MCCC1: variants seen among roughly 807,000 people sequenced by gnomAD.
MCCC1 encodes the protein methylcrotonoyl-CoA carboxylase subunit alpha, mitochondrial.
In MCCC1, 64 loss-of-function variants were observed where a neutral mutation model predicts 83.8. The ratio of observed to expected loss-of-function variants is 0.76; its 90% CI spans 0.62 to 0.94. The LOEUF (loss-of-function observed/expected upper bound fraction) is 0.94. Among genes scored for constraint, MCCC1 ranks in the 40% least tolerant of loss-of-function variants. MCCC1 has a pLI of 0.00. For synonymous variants in MCCC1, 322 were observed against 315.4 expected, an observed-to-expected ratio of 1.02 and a Z score of -0.22; for missense variants, 807 against 904.7, an observed-to-expected ratio of 0.89 and a Z score of 1.39.
At position 183,025,764 on chromosome 3, in the gene MCCC1, A is replaced by G. The variant is rs747015041; in HGVS notation, c.1722T>C (p.Tyr574=). Reference sequence around the variant, plus strand: ...AACCAGTAAGGCTTACCTGCATGCTATAAGACCCATCATGGTTATACGTTA... The same window carrying G: ...AACCAGTAAGGCTTACCTGCATGCTGTAAGACCCATCATGGTTATACGTTA... The part of the protein sequence containing the change: ...IAVTYNHDGS[Y]SMQIEDKTFQ... The change falls in exon 15 of 19, where the codon TAT becomes TAC. Residue 574 remains tyrosine, a synonymous_variant. Coordinates refer to ENST00000265594, the MANE Select transcript of MCCC1 (RefSeq NM_020166.5). 8.1e-6 allele frequency: 13 copies of G among 1,613,978 alleles called. No individual in the cohort carries two copies. The highest frequency in any genetic ancestry group is 7.7e-5 in the South Asian group (7 of 91,078).
chr3:183,054,188 ATTT>A (rs370883975), intron 8 of MCCC1, among the ~76,000 whole-genome samples: 1 of 122,152 alleles, frequency 8.2e-6, no homozygotes, highest in Non-Finnish European at 1.8e-5. Flanking sequence ...AGCCAAGAAA[ATTT>A]TTTTTTTTTT....
chr3:183,088,363 C>T (rs546789121), intron 3 of MCCC1, among the ~76,000 whole-genome samples: 3 of 152,122 alleles, frequency 2.0e-5, no homozygotes, highest in East Asian at 1.9e-4. Context: ...CACACAATCA[C>T]GCCCAGCTAA....
At chr3:183,084,601 A>T (rs1717754080) in intron 4 of MCCC1, among the ~76,000 whole-genome samples, 1 of 152,228 alleles carries the variant, frequency 6.6e-6, no homozygotes, top group South Asian at 2.1e-4. Flanking sequence ...ACATCAATAC[A>T]AAACAACTAT....
chr3:183,105,745 AAG>A (rs1418319856), intron 1 of MCCC1, among the ~76,000 whole-genome samples: 3 of 152,304 alleles, frequency 2.0e-5, no homozygotes, highest in South Asian at 2.1e-4. Context: ...GAAGGCTATG[AAG>A]AGAGTGTTTT....
At chr3:183,036,362 G>A (rs1176352089) in intron 13 of MCCC1, among the ~76,000 whole-genome samples, 1 of 151,958 alleles carries the variant, frequency 6.6e-6, no homozygotes, top group Non-Finnish European at 1.5e-5. Context: ...GGTAACCCTG[G>A]GGAATCTAAG....
chr3:183,114,642 C>CT (rs1341906655), intron 1 of MCCC1, among the ~76,000 whole-genome samples: 1 of 152,206 alleles, frequency 6.6e-6, no homozygotes, highest in Non-Finnish European at 1.5e-5. Flanking sequence ...TCTCAAGTCC[C>CT]TTTGGGGGAA....
chr3:183,060,749 G>A (rs953015047), intron 7 of MCCC1, among the ~76,000 whole-genome samples: 2 of 151,832 alleles, frequency 1.3e-5, no homozygotes, highest in Admixed American at 6.6e-5. Flanking sequence ...GACAGGCCCC[G>A]GTGTGTGATG....
At chr3:183,102,633 A>C (rs758959260), upstream of MCCC1, among the ~76,000 whole-genome samples, 20 of 152,180 alleles carry the variant, frequency 1.3e-4, no homozygotes, top group Non-Finnish European at 2.4e-4. Flanking sequence ...TGGAAAAAAA[A>C]GCTGGATCCC....
At chr3:183,106,338 G>C (rs1417270935) in intron 1 of MCCC1, among the ~76,000 whole-genome samples, 1 of 151,904 alleles carries the variant, frequency 6.6e-6, no homozygotes, top group Non-Finnish European at 1.5e-5. Flanking sequence ...TTCTTTTATA[G>C]AGCCTCTCTC....
chr3:183,082,562 T>A (rs1717590379), intron 4 of MCCC1, among the ~76,000 whole-genome samples: 1 of 152,178 alleles, frequency 6.6e-6, no homozygotes, highest in Non-Finnish European at 1.5e-5. Context: ...TTCCTTACAG[T>A]TAGGCCTCTT....
rs753650692 is a variant in MCCC1, at chr3:183,052,216, T to C, written c.898A>G (p.Lys300Glu). The C allele has an allele frequency of 3.1e-6, 5 of 1,614,108 alleles. No homozygotes were observed. The East Asian group carries it at 8.9e-5, about 29-fold the overall frequency. Residue 300 changes from lysine (K) to glutamate (E), a missense_variant, in exon 9 of 19, where the codon AAA (lysine) becomes GAA (glutamate). By Grantham distance (56) the Lys-to-Glu change is moderately conservative. Transcript: ENST00000265594. ...CTGACTGCAGCTTCTCCCAGCTTTT[T>C]TCTTACTTCAGATTTAATACCAGGC... ...PAPGIKSEVR[K>E]KLGEAAVRAA...
At chr3:183,065,215 A>G (rs896068144) in intron 7 of MCCC1, among the ~76,000 whole-genome samples, 1 of 152,052 alleles carries the variant, frequency 6.6e-6, no homozygotes, top group African/African-American at 2.4e-5. Flanking sequence ...GTCCCTGAAA[A>G]AAAAAAAACT....
chr3:183,072,494 A>G lies in MCCC1; in HGVS notation c.370-7T>C. 6.2e-7 allele frequency: 1 copy of G among 1,613,526 alleles called. No individual in the cohort carries two copies. Among genetic ancestry groups the G allele is most frequent in the Non-Finnish European group, 8.5e-7 (1 of 1,179,670 alleles). ...CGCATCCTGGATGGATAGCCTAGAAATGAGAAATAAAATAAAAAATTTACT... is the reference window on the plus strand; with the variant it reads ...CGCATCCTGGATGGATAGCCTAGAAGTGAGAAATAAAATAAAAAATTTACT... On this transcript the variant is annotated splice_polypyrimidine_tract_variant and splice_region_variant and intron_variant, in intron 4 of 18. Coordinates refer to ENST00000265594, the MANE Select transcript of MCCC1 (RefSeq NM_020166.5).
At chr3:183,031,152 A>C (rs1421375647) in intron 14 of MCCC1, among the ~76,000 whole-genome samples, 1 of 152,180 alleles carries the variant, frequency 6.6e-6, no homozygotes, top group Non-Finnish European at 1.5e-5. Flanking sequence ...TTCTGGTGTG[A>C]CTTTTGGAAA....
chr3:183,087,524 C>G (rs1717977316), intron 3 of MCCC1, among the ~76,000 whole-genome samples: 1 of 152,104 alleles, frequency 6.6e-6, no homozygotes, highest in Non-Finnish European at 1.5e-5. Flanking sequence ...AAGGCCTGAT[C>G]TGGTCTGAAG....
chr3:183,037,340 TGAG>T lies in MCCC1; in HGVS notation c.1469_1471del (p.Pro490del), dbSNP rs1159070552. 1 of 1,614,128 alleles carries T rather than the reference TGAG, an allele frequency of 6.2e-7. No homozygotes were observed. Among genetic ancestry groups the T allele is most frequent in the South Asian group, 1.1e-5 (1 of 91,080 alleles). On this transcript the variant is annotated inframe_deletion, in exon 13 of 19. Coordinates refer to ENST00000265594, the MANE Select transcript of MCCC1 (RefSeq NM_020166.5). ...ACTGAGCAACAACTGTTTGTGGTGTTGAGGGATGAAATCAGTGTGCACGTTCCC... is the reference window on the plus strand; with the variant it reads ...ACTGAGCAACAACTGTTTGTGGTGTTGGATGAAATCAGTGTGCACGTTCCC...
rs2108470326 is a variant in MCCC1 at position 183,037,230 on chromosome 3, G to T, written c.1582C>A (p.Leu528Ile). The T allele has an allele frequency of 6.2e-7, 1 of 1,613,618 alleles. No homozygotes were observed. The highest frequency in any genetic ancestry group is 1.3e-5 in the African/African-American group (1 of 75,024). ...KEKAMTDTFT[L>I]QAHDQFSPFS... ...AAGCCTTCCATACCATGTGCCTGAA[G>T]AGTGAAAGTGTCGGTCATGGCTTTC... Residue 528 changes from leucine (L) to isoleucine (I), a missense_variant, in exon 13 of 19, where the codon CTT becomes ATT. Leu to Ile is a conservative substitution (Grantham distance 5). Transcript: ENST00000265594.
chr3:183,040,197 C>T (rs1190579080), intron 11 of MCCC1, among the ~76,000 whole-genome samples: 1 of 148,766 alleles, frequency 6.7e-6, no homozygotes, highest in African/African-American at 2.5e-5. Context: ...ACTACCAAAT[C>T]TTGCTGTGGC....
Position 183,052,154 on chromosome 3 carries a change from C to A in MCCC1, c.955+5G>T. ...CTCTTCCATTAGAAGCAAATCTTAA[C>A]CTACCTGCTCCAACATAATTTACAG... is the stretch of plus-strand genomic sequence containing the variant. On this transcript the variant is annotated splice_donor_5th_base_variant and intron_variant, in intron 9 of 18. Coordinates refer to ENST00000265594, the MANE Select transcript of MCCC1 (RefSeq NM_020166.5). 2 of 1,613,760 alleles carry A rather than the reference C, an allele frequency of 1.2e-6. No individual in the cohort carries two copies. The highest frequency in any genetic ancestry group is 1.7e-5 in the Admixed American group (1 of 60,028).
Sources: allele counts gnomAD v4.1 joint callset (sites outside exome capture counted in the v4.1 genomes callset), GRCh38; gene constraint gnomAD v4.1.1; transcripts MANE v1.5; gene names NCBI Gene and HGNC (gene_info 2026-07-23, HGNC 2026-07-21).